Variants in KCNQ5 observed in about 807,000 individuals in gnomAD.
KCNQ5 encodes the protein potassium voltage-gated channel subfamily Q member 5.
Under a neutral mutation model 98.2 loss-of-function variants are expected in KCNQ5, and 30 were observed. The ratio of observed to expected loss-of-function variants is 0.31; its 90% CI spans 0.23 to 0.41. The LOEUF (loss-of-function observed/expected upper bound fraction) is 0.41, where lower values mean the gene tolerates loss of function less well. Among genes scored for constraint, KCNQ5 ranks in the 10% least tolerant of loss-of-function variants. The probability of loss-of-function intolerance (pLI) is 1.00; values close to 1 mark genes in which losing one functional copy is unlikely to be tolerated. For synonymous variants in KCNQ5, 458 were observed against 449.4 expected, an observed-to-expected ratio of 1.02 and a Z score of -0.24; for missense variants, 835 against 1,182.5, an observed-to-expected ratio of 0.71 and a Z score of 4.31.
Position 72,942,709 on chromosome 6 carries a change from T to C in KCNQ5, c.399-61199T>C, listed in dbSNP as rs1332381456. On this transcript the variant is annotated intron_variant, in intron 1 of 13. Transcript: ENST00000370398. The stretch of plus-strand genomic sequence containing the variant: ...TCCTCCCGTGTTCACTGTGGTGCTA[T>C]GGGGACTCTACGGTGATATGGAATG... 5.9e-5 allele frequency among the ~76,000 whole-genome samples: 9 copies of C among 152,192 alleles called. No individual in the cohort carries two copies. In the East Asian group the frequency reaches 1.7e-3, roughly 29 times the overall value.
chr6:72,920,258 C>T (rs994114157), intron 1 of KCNQ5, among the ~76,000 whole-genome samples: 9 of 152,098 alleles, frequency 5.9e-5, no homozygotes, highest in African/African-American at 2.2e-4. Context: ...CACCACTGCA[C>T]TCCAGCCTGG....
At chr6:73,065,924 A>T in intron 3 of KCNQ5, among the ~76,000 whole-genome samples, 1 of 152,202 alleles carries the variant, frequency 6.6e-6, no homozygotes, top group East Asian at 1.9e-4. Flanking sequence ...AGGTGGGTGG[A>T]TCACTTGAGG....
intron 1 of KCNQ5, chr6:72,677,105 A>G (rs183724496): frequency 2.0e-5 from 3 of 152,310 alleles, no homozygotes; most frequent in East Asian, 3.9e-4. Context: ...TGGGTCAACC[A>G]AAACCGCATG....
chr6:72,924,584 C>G (rs753678375), intron 1 of KCNQ5, among the ~76,000 whole-genome samples: 77 of 152,172 alleles, frequency 5.1e-4, no homozygotes, highest in Non-Finnish European at 9.6e-4. Flanking sequence ...TTTAAATCTA[C>G]TATTCATGCT....
At chr6:73,122,755 A>T (rs1247508374) in intron 8 of KCNQ5, among the ~76,000 whole-genome samples, 1 of 152,228 alleles carries the variant, frequency 6.6e-6, no homozygotes, top group African/African-American at 2.4e-5. Flanking sequence ...GTCTTTCCCA[A>T]GAAAGATAAT....
intron 1 of KCNQ5, among the ~76,000 whole-genome samples, chr6:72,837,732 A>G (rs1776568897): frequency 1.3e-5 from 2 of 152,150 alleles, no homozygotes; most frequent in African/African-American, 4.8e-5. Flanking sequence ...GTCATGTTAT[A>G]TGTTTTTTAA....
chr6:72,984,494 C>T (rs952134883), intron 1 of KCNQ5, among the ~76,000 whole-genome samples: 3 of 152,222 alleles, frequency 2.0e-5, no homozygotes, highest in Non-Finnish European at 4.4e-5. Context: ...AGCAAGGCTC[C>T]ATAGGCGTGA....
At chr6:72,748,487 A>G (rs1290119240) in intron 1 of KCNQ5, among the ~76,000 whole-genome samples, 1 of 152,146 alleles carries the variant, frequency 6.6e-6, no homozygotes, top group African/African-American at 2.4e-5. Flanking sequence ...TGATTTGAAT[A>G]TACAGCAAAA....
intron 1 of KCNQ5, among the ~76,000 whole-genome samples, chr6:72,643,270 A>T (rs1025384302): frequency 5.3e-5 from 8 of 152,156 alleles, no homozygotes; most frequent in African/African-American, 1.2e-4. Flanking sequence ...AAGTTATTTT[A>T]AAAAAGGCCT....
rs578178408 is a variant in KCNQ5, at chr6:73,052,147, G to A, written c.616+10085G>A. ...AGCTGAGGAAAGAATCTCAGAGCTT[G>A]AATATCACTTCTCTGAAATAACTCA... On this transcript the variant is annotated intron_variant, in intron 3 of 13. Coordinates refer to ENST00000370398, the MANE Select transcript of KCNQ5 (RefSeq NM_019842.4). Among the ~76,000 whole-genome samples, 111 of 152,256 alleles carry A rather than the reference G, an allele frequency of 7.3e-4. 2 individuals are homozygous for A. In the South Asian group the frequency reaches 0.018, roughly 25 times the overall value.
At chr6:73,148,292 TTCATA>T (rs1366892967) in intron 10 of KCNQ5, among the ~76,000 whole-genome samples, 3 of 152,210 alleles carry the variant, frequency 2.0e-5, no homozygotes. Context: ...CTTAGAGACA[TTCATA>T]TCATAATTAA....
chr6:73,133,615 G>T lies in KCNQ5; in HGVS notation c.1442G>T (p.Ser481Ile), dbSNP rs1776332403. 6.2e-7 allele frequency: 1 copy of T among 1,614,210 alleles called. No homozygotes were observed. Among genetic ancestry groups the T allele is most frequent in the Non-Finnish European group, 8.5e-7 (1 of 1,180,034 alleles). ...TRFRPSLRLK[S>I]SQPKPVIDAD... is the part of the protein sequence containing the mutation. ...TTCCGGCCCTCGCTGCGCCTCAAAA[G>T]TTCTCAGCCAAAACCAGTGATAGAT... Residue 481 changes from serine (S) to isoleucine (I), a missense_variant, in exon 10 of 14, where the codon AGT (serine) becomes ATT (isoleucine). By Grantham distance (142) the Ser-to-Ile change is moderately radical. This residue lies in a region of KCNQ5 where 146 missense variants were observed against 256.7 expected (regional missense o/e 0.57). Coordinates refer to ENST00000370398, the MANE Select transcript of KCNQ5 (RefSeq NM_019842.4).
intron 10 of KCNQ5, among the ~76,000 whole-genome samples, chr6:73,160,681 A>G (rs981152674): frequency 6.6e-6 from 1 of 152,218 alleles, no homozygotes; most frequent in East Asian, 1.9e-4. Flanking sequence ...ACCAAGGAAC[A>G]CAGGATGGCG....
At chr6:73,037,863 G>C (rs1177346842) in intron 2 of KCNQ5, among the ~76,000 whole-genome samples, 1 of 151,974 alleles carries the variant, frequency 6.6e-6, no homozygotes, top group Non-Finnish European at 1.5e-5. Flanking sequence ...CAGGTCCTGT[G>C]CATTTCCATA....
At chr6:72,755,480 T>G (rs1771914961) in intron 1 of KCNQ5, among the ~76,000 whole-genome samples, 1 of 152,152 alleles carries the variant, frequency 6.6e-6, no homozygotes, top group African/African-American at 2.4e-5. Flanking sequence ...TTTATCTACA[T>G]TACTGATCTA....
At chr6:72,984,355 G>A (rs533205376) in intron 1 of KCNQ5, among the ~76,000 whole-genome samples, 23 of 152,286 alleles carry the variant, frequency 1.5e-4, no homozygotes, top group African/African-American at 4.1e-4. Flanking sequence ...GTTGAGCTGC[G>A]TGGGCTCCAC....
At chr6:72,872,017 A>G (rs957483081) in intron 1 of KCNQ5, among the ~76,000 whole-genome samples, 2 of 152,212 alleles carry the variant, frequency 1.3e-5, no homozygotes, top group Admixed American at 6.5e-5. Context: ...CAGCAAAACA[A>G]ATAAACAAAC....
chr6:72,894,163 C>T (rs1020116866), intron 1 of KCNQ5, among the ~76,000 whole-genome samples: 2 of 152,182 alleles, frequency 1.3e-5, no homozygotes, highest in African/African-American at 4.8e-5. Context: ...TTTATCATCT[C>T]TATTGACTCA....
chr6:72,924,320 G>A (rs1214623933), intron 1 of KCNQ5, among the ~76,000 whole-genome samples: 1 of 152,140 alleles, frequency 6.6e-6, no homozygotes, highest in African/African-American at 2.4e-5. Flanking sequence ...AAACTAGGAA[G>A]CAGAAATAGC....
Sources: gnomAD v4.1 joint callset for allele counts (sites outside exome capture counted in the v4.1 genomes callset) on GRCh38, gnomAD v4.1.1 for gene constraint, gnomAD v4.1.1 regional missense constraint, MANE v1.5 for transcripts, NCBI Gene and HGNC (gene_info 2026-07-23, HGNC 2026-07-21) for gene names.